The following PNLIP variants were observed in gnomAD, a reference collection of about 807,000 sequenced individuals.
PNLIP encodes pancreatic triacylglycerol lipase.
A neutral mutation model predicts 57.1 loss-of-function variants in PNLIP; 49 were observed. The observed-to-expected ratio is 0.86, with a 90% CI of 0.68 to 1.09. The LOEUF (loss-of-function observed/expected upper bound fraction) is 1.09. Ranked by LOEUF, PNLIP falls within the 50% of genes least tolerant of loss-of-function variation. The pLI is 0.00. For missense variants in PNLIP, 503 were observed against 570.2 expected, an observed-to-expected ratio of 0.88 and a Z score of 1.20; for synonymous variants, 209 against 200.4, an observed-to-expected ratio of 1.04 and a Z score of -0.36.
chr10:116,557,457 G>T (rs1847264739), intron 9 of PNLIP, among the ~76,000 whole-genome samples: 1 of 152,180 alleles, frequency 6.6e-6, no homozygotes, highest in Admixed American at 6.5e-5. Context: ...GGGAGTCCAT[G>T]GGTGTAAAGT....
Position 116,553,737 on chromosome 10 carries a change from G to T in PNLIP, c.470G>T (p.Gly157Val). Residue 157 changes from glycine (G) to valine (V), a missense_variant, in exon 6 of 13, where the codon GGT becomes GTT. Gly to Val is a moderately radical substitution (Grantham distance 109). Transcript: ENST00000369221. ...YFVEFLQSAFGYSPSNVHVIG... is the reference protein window; with the variant it reads ...YFVEFLQSAFVYSPSNVHVIG... ...TTTTCTTTCCGACAGTCGGCGTTCGGTTACTCACCTTCCAATGTGCATGTC... is the reference window on the plus strand; with the variant it reads ...TTTTCTTTCCGACAGTCGGCGTTCGTTTACTCACCTTCCAATGTGCATGTC... The T allele has an allele frequency of 6.2e-7, 1 of 1,610,690 alleles. No individual in the cohort carries two copies. Among genetic ancestry groups the T allele is most frequent in the Non-Finnish European group, 8.5e-7 (1 of 1,177,184 alleles).
chr10:116,547,407 C>T lies in PNLIP; in HGVS notation c.160C>T (p.Arg54Cys), dbSNP rs142749694. Residue 54 changes from arginine (R) to cysteine (C), a missense_variant, in exon 3 of 13, where the codon CGC becomes TGC. Physicochemically the swap from Arg to Cys is radical, Grantham distance 180. Coordinates refer to ENST00000369221, the MANE Select transcript of PNLIP (RefSeq NM_000936.4). ...LPWSPKDVNT[R>C]FLLYTNENPN... ...TTGGTCTCCAAAAGATGTCAACACC[C>T]GCTTCCTCCTATATACTAATGAGAA... 2.5e-5 allele frequency: 40 copies of T among 1,613,820 alleles called. No homozygotes were observed. Among genetic ancestry groups the T allele is most frequent in the East Asian group, 1.6e-4 (7 of 44,888 alleles).
At chr10:116,563,570 G>T (rs1258710603) in intron 12 of PNLIP, among the ~76,000 whole-genome samples, 1 of 151,990 alleles carries the variant, frequency 6.6e-6, no homozygotes, top group East Asian at 1.9e-4. Flanking sequence ...AGTCCCCAAA[G>T]TCCTTTGTAT....
intron 9 of PNLIP, among the ~76,000 whole-genome samples, chr10:116,556,743 T>A (rs1024938347): frequency 2.5e-4 from 38 of 152,062 alleles, no homozygotes; most frequent in African/African-American, 9.2e-4. Flanking sequence ...TTTTTTTTTA[T>A]AAAATTGACT....
intron 9 of PNLIP, 47 bp downstream of exon 9, chr10:116,556,165 T>G: frequency 9.7e-7 from 1 of 1,034,030 alleles, no homozygotes; most frequent in African/African-American, 1.6e-5. Context: ...GACTGTCACT[T>G]CTCATGACTG....
chr10:116,553,812 C>G lies in PNLIP; in HGVS notation c.545C>G (p.Thr182Ser). The change falls in exon 6 of 13, where the codon ACC (threonine) becomes AGC (serine). Residue 182 changes from threonine (T) to serine (S), a missense_variant. Coordinates refer to ENST00000369221, the MANE Select transcript of PNLIP (RefSeq NM_000936.4). ...GCTGCTGGGGAGGCTGGAAGGAGAA[C>G]CAATGGGACCATTGGACGCATCACA... ...AHAAGEAGRR[T>S]NGTIGRITGL... 6.2e-7 allele frequency: 1 copy of G among 1,610,864 alleles called. No individual in the cohort carries two copies. The highest frequency in any genetic ancestry group is 8.5e-7 in the Non-Finnish European group (1 of 1,177,602).
At chr10:116,548,208 A>G (rs1414779734) in intron 3 of PNLIP, 152 bp from the exon 4 acceptor site, 5 of 656,376 alleles carry the variant, frequency 7.6e-6, no homozygotes, top group Non-Finnish European at 1.3e-5. Context: ...CAACATGATG[A>G]TGATAGTGAA....
In PNLIP at chr10:116,547,403, C is replaced by T; in HGVS notation, c.156C>T (p.Asn52=). ...TGCCTTGGTCTCCAAAAGATGTCAA[C>T]ACCCGCTTCCTCCTATATACTAATG... The part of the protein sequence containing the change: ...HILPWSPKDV[N]TRFLLYTNEN... The change falls in exon 3 of 13, where the codon AAC becomes AAT. Residue 52 remains asparagine (N), a synonymous_variant. Transcript: ENST00000369221. 3 of 1,614,050 alleles carry T rather than the reference C, an allele frequency of 1.9e-6. No homozygotes were observed. Among genetic ancestry groups the T allele is most frequent in the Non-Finnish European group, 2.5e-6 (3 of 1,179,974 alleles).
chr10:116,564,766 T>A lies in PNLIP; in HGVS notation c.1335-2969T>A, dbSNP rs140417607. On this transcript the variant is annotated intron_variant, in intron 12 of 12. Transcript: ENST00000369221. Reference sequence around the variant, plus strand: ...CAGGAGGGGAGACCTGAAAATATACTATTGGAAGGTTCTTATACCATTTAT... The same window carrying A: ...CAGGAGGGGAGACCTGAAAATATACAATTGGAAGGTTCTTATACCATTTAT... 3.2e-4 allele frequency among the ~76,000 whole-genome samples: 49 copies of A among 152,276 alleles called. 1 individual carries two copies. The highest frequency in any genetic ancestry group is 1.2e-3 in the African/African-American group (48 of 41,562).
At chr10:116,553,420 C>G (rs1036132985) in intron 5 of PNLIP, among the ~76,000 whole-genome samples, 51 of 152,218 alleles carry the variant, frequency 3.4e-4, no homozygotes, top group Middle Eastern at 6.8e-3. Flanking sequence ...TCATTTATAC[C>G]GTATTTTTGC....
Position 116,553,828 on chromosome 10 carries a change from A to T in PNLIP, c.561A>T (p.Gly187=). The T allele has an allele frequency of 2.5e-6, 4 of 1,598,688 alleles. No homozygotes were observed. Among genetic ancestry groups the T allele is most frequent in the Non-Finnish European group, 3.4e-6 (4 of 1,167,016 alleles). Residue 187 remains glycine (G), a synonymous_variant, in exon 6 of 13, where the codon GGA becomes GGT. Coordinates refer to ENST00000369221, the MANE Select transcript of PNLIP (RefSeq NM_000936.4). ...EAGRRTNGTI[G]RITGLDPAEP... ...GAAGGAGAACCAATGGGACCATTGG[A>T]CGCATCACAGGTTGGTGAAAACAGT... is the stretch of plus-strand genomic sequence containing the variant.
intron 6 of PNLIP, 70 bp downstream of exon 6, chr10:116,553,908 G>A (rs1847222831): frequency 1.2e-6 from 1 of 818,672 alleles, no homozygotes; most frequent in Non-Finnish European, 2.0e-6. Context: ...GCAGTTTGAG[G>A]CCAATCTGGG....
intron 9 of PNLIP, among the ~76,000 whole-genome samples, chr10:116,556,838 G>T (rs1847259034): frequency 6.6e-6 from 1 of 152,096 alleles, no homozygotes. Flanking sequence ...TGTGCCAGCT[G>T]AAGTCACAAT....
chr10:116,549,426 C>A (rs1486698603), intron 4 of PNLIP, among the ~76,000 whole-genome samples: 2 of 152,052 alleles, frequency 1.3e-5, no homozygotes, highest in Non-Finnish European at 2.9e-5. Context: ...TTGCAGTGAG[C>A]CAAGATCGTG....
At chr10:116,559,771 A>G (rs922602046) in intron 10 of PNLIP, among the ~76,000 whole-genome samples, 2 of 152,218 alleles carry the variant, frequency 1.3e-5, no homozygotes, top group Non-Finnish European at 2.9e-5. Context: ...TCCAAATAAC[A>G]GAGGAATAAA....
At position 116,545,984 on chromosome 10, in the gene PNLIP, C is replaced by T; in HGVS notation, c.-1+26C>T. 3.3e-6 allele frequency: 3 copies of T among 912,840 alleles called. No homozygotes were observed. In the East Asian group the frequency reaches 7.4e-5, roughly 22 times the overall value. The allele number at this position is 912,840 out of a possible 1,614,324, so 56.5% of individuals were successfully genotyped here. A position where few individuals can be genotyped will look rare whatever the true frequency, so the allele number is the denominator to read the frequency against. On this transcript the variant is annotated intron_variant, in intron 1 of 12. Transcript: ENST00000369221. The stretch of plus-strand genomic sequence containing the variant: ...GTGAGTCGGGAACATGTTTTCCAGG[C>T]CTAATTGATCAGAATGTATCCATTT...
Position 116,555,266 on chromosome 10 carries a change from C to T in PNLIP, c.660C>T (p.His220=), listed in dbSNP as rs1432409386. ...ATGCCAAATTTGTGGATGTAATTCA[C>T]ACGGATGGTGCCCCCATAGTCCCCA... The part of the protein sequence containing the change: ...PSDAKFVDVI[H]TDGAPIVPNL... The change falls in exon 7 of 13, where the codon CAC becomes CAT. Residue 220 remains histidine, a synonymous_variant. Transcript: ENST00000369221. 6.2e-7 allele frequency: 1 copy of T among 1,614,050 alleles called. No homozygotes were observed. Among genetic ancestry groups the T allele is most frequent in the Non-Finnish European group, 8.5e-7 (1 of 1,180,038 alleles).
chr10:116,560,463 G>T lies in PNLIP; in HGVS notation c.1108G>T (p.Gly370Ter). Residue 370 changes from glycine to a stop codon, truncating the protein, a stop_gained, in exon 11 of 13, where the codon GGA (glycine) becomes TGA (stop). Transcript: ENST00000369221. LOFTEE classifies it high-confidence loss of function. Reference protein sequence around the residue: ...SVTLSGKKVTGHILVSLFGNK... With the variant: ...SVTLSGKKVT ...CACACTGTCTGGAAAAAAGGTTACA[G>T]GACACATACTAGTTTCTTTGTTCGG... The T allele has an allele frequency of 6.2e-7, 1 of 1,609,208 alleles. No homozygotes were observed. The highest frequency in any genetic ancestry group is 8.5e-7 in the Non-Finnish European group (1 of 1,177,072).
intron 12 of PNLIP, among the ~76,000 whole-genome samples, chr10:116,563,637 C>T (rs892425268): frequency 6.6e-5 from 10 of 152,070 alleles, no homozygotes; most frequent in African/African-American, 1.4e-4. Flanking sequence ...TGAGAACATA[C>T]GATGTTTGGT....
Sources: gnomAD v4.1 joint callset for allele counts (sites outside exome capture counted in the v4.1 genomes callset) on GRCh38, gnomAD v4.1.1 for gene constraint, MANE v1.5 for transcripts, NCBI Gene and HGNC (gene_info 2026-07-23, HGNC 2026-07-21) for gene names.